Variants in KARS1 observed in about 807,000 individuals in gnomAD.
The protein encoded by KARS1 is lysyl-tRNA synthetase 1.
In KARS1, 50 loss-of-function variants were observed where a neutral mutation model predicts 63.9. That is an observed-to-expected ratio of 0.78 (90% CI 0.62 to 0.99). The LOEUF is 0.99. Among genes scored for constraint, KARS1 ranks in the 50% least tolerant of loss-of-function variants. The pLI is 0.00. For synonymous variants in KARS1, 320 were observed against 264.6 expected (o/e 1.21, Z -2.03); for missense variants, 816 against 754.5 (o/e 1.08, Z -0.95).
At chr16:75,636,617 A>T in intron 3 of KARS1, 70 bp from the exon 4 acceptor site, 2 of 1,011,432 alleles carry the variant, frequency 2.0e-6, no homozygotes. Flanking sequence ...GTGTCAAAAA[A>T]AAACTCCCTC....
Position 75,635,765 on chromosome 16 carries a change from T to A in KARS1, c.710A>T (p.Asn237Ile), listed in dbSNP as rs1458564676. The A allele has an allele frequency of 1.9e-6, 3 of 1,614,104 alleles. No individual in the cohort carries two copies. Among genetic ancestry groups the A allele is most frequent in the Non-Finnish European group, 2.5e-6 (3 of 1,180,042 alleles). Residue 237 changes from asparagine (N) to isoleucine (I), a missense_variant, in exon 6 of 14, where the codon AAT becomes ATT. Asn to Ile is a moderately radical substitution (Grantham distance 149). Transcript: ENST00000302445. Reference sequence around the variant, plus strand: ...GATAAATTTCTGCCTCACAAAGTCATTCAGGATCAAGTCCAAGTATCTCTG... The same window carrying A: ...GATAAATTTCTGCCTCACAAAGTCAATCAGGATCAAGTCCAAGTATCTCTG... ...YRQRYLDLILNDFVRQKFIIR... is the reference protein window; with the variant it reads ...YRQRYLDLILIDFVRQKFIIR...
At chr16:75,644,299 ATGAC>A in intron 1 of KARS1, 1 of 1,603,224 alleles carries the variant, frequency 6.2e-7, no homozygotes, top group Non-Finnish European at 8.5e-7. Context: ...TGATCAGAAA[ATGAC>A]TTGTCCTTGT....
chr16:75,643,446 C>G (rs979871334), intron 1 of KARS1, among the ~76,000 whole-genome samples: 45 of 150,686 alleles, frequency 3.0e-4, no homozygotes, highest in Non-Finnish European at 1.3e-4. Flanking sequence ...GGTGCGATCT[C>G]AGATCACTGT....
chr16:75,640,280 T>A lies in KARS1; in HGVS notation c.292A>T (p.Lys98Ter). Residue 98 changes from lysine (K) to a stop codon, truncating the protein, a stop_gained, in exon 3 of 14, where the codon AAG (lysine) becomes TAG (stop). Transcript: ENST00000302445. LOFTEE classifies it high-confidence loss of function. The part of the protein sequence containing the change: ...KVNGEDPYPH[K>*]FHVDISLTDF... ...GTGAGTGAGATGTCTACATGGAACT[T>A]GTGTGGGTATGGGTCTTCCCCATTG... The A allele has an allele frequency of 6.2e-7, 1 of 1,613,748 alleles. No homozygotes were observed. Among genetic ancestry groups the A allele is most frequent in the Non-Finnish European group, 8.5e-7 (1 of 1,179,914 alleles).
intron 9 of KARS1, 32 bp from the exon 10 acceptor site, chr16:75,631,285 GACATC>G: frequency 6.3e-7 from 1 of 1,595,192 alleles, no homozygotes; most frequent in Non-Finnish European, 8.6e-7. Context: ...TAGGGCAGGA[GACATC>G]ACACTAGCCA....
At chr16:75,636,891 C>T (rs182288977) in intron 3 of KARS1, among the ~76,000 whole-genome samples, 2 of 151,658 alleles carry the variant, frequency 1.3e-5, no homozygotes, top group Admixed American at 1.3e-4. Context: ...CCACCCACCT[C>T]AGCCTCCCAA....
chr16:75,635,492 C>T, intron 6 of KARS1, 188 bp downstream of exon 6: 1 of 680,394 alleles, frequency 1.5e-6, no homozygotes, highest in African/African-American at 1.8e-5. Context: ...TGTCCATTAT[C>T]TTGGAAGTCA....
At position 75,644,312 on chromosome 16, in the gene KARS1, G is replaced by C; in HGVS notation, c.63-2589C>G. 3 of 1,605,970 alleles carry C rather than the reference G, an allele frequency of 1.9e-6. No homozygotes were observed. In the South Asian group the frequency reaches 3.4e-5, roughly 18 times the overall value. On this transcript the variant is annotated intron_variant, in intron 1 of 13. Transcript: ENST00000302445. ...TTTGATCAGAAAATGACTTGTCCTT[G>C]TGAGGCGCTGTGAAAGGAGCAAGTT... is the stretch of plus-strand genomic sequence containing the variant.
intron 1 of KARS1, among the ~76,000 whole-genome samples, chr16:75,645,186 C>T (rs943523073): frequency 2.0e-5 from 3 of 151,324 alleles, no homozygotes; most frequent in African/African-American, 4.8e-5. Flanking sequence ...GAACAATAAA[C>T]GGAAGGAAAT....
rs756393472 is a variant in KARS1, at chr16:75,634,212, C to A, written c.876G>T (p.Met292Ile). 6.2e-7 allele frequency: 1 copy of A among 1,614,002 alleles called. No homozygotes were observed. Among genetic ancestry groups the A allele is most frequent in the Non-Finnish European group, 8.5e-7 (1 of 1,179,860 alleles). Reference protein sequence around the residue: ...PFITYHNELDMNLYMRIAPEL... With the variant: ...PFITYHNELDINLYMRIAPEL... ...CTGGAGCAATTCTCATATATAAGTT[C>A]ATGTCCAGCTCGTTGTGATAAGTGA... Residue 292 changes from methionine (M) to isoleucine (I), a missense_variant, in exon 7 of 14, where the codon ATG (methionine) becomes ATT (isoleucine). Physicochemically the swap from Met to Ile is conservative, Grantham distance 10. Transcript: ENST00000302445.
intron 1 of KARS1, among the ~76,000 whole-genome samples, chr16:75,646,356 C>T (rs935551837): frequency 6.6e-6 from 1 of 152,072 alleles, no homozygotes; most frequent in Non-Finnish European, 1.5e-5. Context: ...TCCTGCCCAA[C>T]ATGGTGAAAC....
Position 75,635,785 on chromosome 16 carries a change from T to A in KARS1, c.690A>T (p.Arg230Ser), listed in dbSNP as rs1370913867. Residue 230 changes from arginine to serine, a missense_variant, in exon 6 of 14, where the codon AGA (arginine) becomes AGT (serine). By Grantham distance (110) the Arg-to-Ser change is moderately radical (BLOSUM62 -1). Transcript: ENST00000302445. ...LKDKETRYRQ[R>S]YLDLILNDFV... ...AGTCATTCAGGATCAAGTCCAAGTA[T>A]CTCTGGCGATACCTTGTTTCCTAAA... The A allele has an allele frequency of 3.7e-5, 60 of 1,614,104 alleles. No individual in the cohort carries two copies. Among genetic ancestry groups the A allele is most frequent in the Non-Finnish European group, 4.8e-5 (57 of 1,180,036 alleles).
chr16:75,645,094 G>A (rs1464256764), intron 1 of KARS1, among the ~76,000 whole-genome samples: 1 of 152,200 alleles, frequency 6.6e-6, no homozygotes, highest in Non-Finnish European at 1.5e-5. Flanking sequence ...CTCGGGCAGG[G>A]AGCACATCTG....
Position 75,627,929 on chromosome 16 carries a change from G to C in KARS1, c.1760C>G (p.Thr587Arg). 6.2e-7 allele frequency: 1 copy of C among 1,609,250 alleles called. No homozygotes were observed. Among genetic ancestry groups the C allele is most frequent in the Non-Finnish European group, 8.5e-7 (1 of 1,175,616 alleles). ...DKKENVATTD[T>R]LESTTVGTSV Reference sequence around the variant, plus strand: ...AGTGCCAACTGTTGTGCTTTCCAGTGTATCAGTGGTTGCTACATTCTCCTT... The same window carrying C: ...AGTGCCAACTGTTGTGCTTTCCAGTCTATCAGTGGTTGCTACATTCTCCTT... The change falls in exon 14 of 14, where the codon ACA (threonine) becomes AGA (arginine). Residue 587 changes from threonine to arginine, a missense_variant. Coordinates refer to ENST00000302445, the MANE Select transcript of KARS1 (RefSeq NM_005548.3).
chr16:75,630,326 G>T, intron 11 of KARS1, 97 bp downstream of exon 11: 1 of 800,776 alleles, frequency 1.2e-6, no homozygotes. Context: ...CCACCCAGCA[G>T]AAAGACCACC....
rs753675208 is a variant in KARS1 at position 75,627,949 on chromosome 16, C to T, written c.1740G>A (p.Glu580=). The T allele has an allele frequency of 9.9e-6, 16 of 1,612,014 alleles. No homozygotes were observed. The highest frequency in any genetic ancestry group is 1.6e-4 in the Middle Eastern group (1 of 6,080). The part of the protein sequence containing the change: ...FPAMKPEDKK[E]NVATTDTLES... ...CCAGTGTATCAGTGGTTGCTACATT[C>T]TCCTTCTTGTCTTCGGGTTTCATGG... The change falls in exon 14 of 14, where the codon GAG becomes GAA. Residue 580 remains glutamate (E), a synonymous_variant. Transcript: ENST00000302445.
intron 12 of KARS1, 36 bp downstream of exon 12, chr16:75,629,379 G>C: frequency 6.2e-7 from 1 of 1,613,218 alleles, no homozygotes; most frequent in Non-Finnish European, 8.5e-7. Flanking sequence ...TTCCTGGTGA[G>C]TTGGCACAGC....
intron 3 of KARS1, among the ~76,000 whole-genome samples, chr16:75,638,516 A>C (rs12596033): frequency 0.13 from 19,821 of 152,214 alleles, 2,871 homozygotes; most frequent in East Asian, 0.71. Flanking sequence ...TACTATTCAA[A>C]AATGAGCTGA....
At chr16:75,629,174 T>C (rs962085598) in intron 12 of KARS1, among the ~76,000 whole-genome samples, 4 of 152,196 alleles carry the variant, frequency 2.6e-5, no homozygotes, top group African/African-American at 7.2e-5. Context: ...GCTTGGCAAG[T>C]GTATTTTCAA....
Sources: allele counts gnomAD v4.1 joint callset (sites outside exome capture counted in the v4.1 genomes callset), GRCh38; gene constraint gnomAD v4.1.1; transcripts MANE v1.5; gene names NCBI Gene and HGNC (gene_info 2026-07-23, HGNC 2026-07-21).